Variants in DDX4 observed in about 807,000 individuals in gnomAD.
DDX4 encodes the protein probable ATP-dependent RNA helicase DDX4.
Under a neutral mutation model 100.0 loss-of-function variants are expected in DDX4, and 25 were observed. The observed-to-expected ratio is 0.25, with a 90% confidence interval of 0.18 to 0.35. DDX4 has a LOEUF of 0.35. DDX4 is among the 10% of genes least tolerant of loss of function. The probability of loss-of-function intolerance (pLI) is 1.00; values close to 1 mark genes in which losing one functional copy is unlikely to be tolerated. For missense variants in DDX4, 635 were observed against 882.4 expected (o/e 0.72, Z 3.55); for synonymous variants, 259 against 275.7 (o/e 0.94, Z 0.60).
intron 18 of DDX4, among the ~76,000 whole-genome samples, chr5:55,809,593 C>T (rs553561969): frequency 6.6e-6 from 1 of 152,152 alleles, no homozygotes; most frequent in Admixed American, 6.5e-5. Flanking sequence ...CCTCTCAGAC[C>T]TCTTTAGAGG....
At chr5:55,746,302 C>G in intron 3 of DDX4, 81 bp downstream of exon 3, 1 of 1,276,076 alleles carries the variant, frequency 7.8e-7, no homozygotes, top group Non-Finnish European at 1.1e-6. Context: ...GACTAGTAGA[C>G]ATCTTGTAGA....
At chr5:55,815,248 A>T in intron 20 of DDX4, 65 bp from the exon 21 acceptor site, 1 of 1,596,254 alleles carries the variant, frequency 6.3e-7, no homozygotes, top group Non-Finnish European at 8.5e-7. Flanking sequence ...GCATGTGTAT[A>T]TAACAAGTAA....
chr5:55,792,658 C>A lies in DDX4; in HGVS notation c.1320C>A (p.Ile440=), dbSNP rs201103498. ...CCTTAAAGATTGGTCTCAAACAGAT[C>A]AAATACTTAGTTTTGGATGAAGCTG... is the stretch of plus-strand genomic sequence containing the variant. The part of the protein sequence containing the change: ...IGKEKIGLKQ[I]KYLVLDEADR... The change falls in exon 17 of 22, where the codon ATC becomes ATA. Residue 440 remains isoleucine, a synonymous_variant. Coordinates refer to ENST00000505374, the MANE Select transcript of DDX4 (RefSeq NM_024415.3). 1.9e-6 allele frequency: 3 copies of A among 1,582,410 alleles called. No homozygotes were observed. The highest frequency in any genetic ancestry group is 2.6e-6 in the Non-Finnish European group (3 of 1,161,666).
chr5:55,789,824 A>G (rs1305924013), intron 15 of DDX4, among the ~76,000 whole-genome samples: 1 of 152,222 alleles, frequency 6.6e-6, no homozygotes, highest in Non-Finnish European at 1.5e-5. Flanking sequence ...GGGGGAAGGT[A>G]GAATCCATAT....
intron 18 of DDX4, among the ~76,000 whole-genome samples, chr5:55,809,161 G>A (rs537564298): frequency 1.3e-5 from 2 of 152,308 alleles, no homozygotes; most frequent in African/African-American, 4.8e-5. Context: ...TAAGACCATT[G>A]GAAAAGTGCA....
Position 55,785,880 on chromosome 5 carries a change from A to G in DDX4, c.864+9A>G, listed in dbSNP as rs757294842. The G allele has an allele frequency of 3.8e-6, 6 of 1,590,898 alleles. No individual in the cohort carries two copies. Among genetic ancestry groups the G allele is most frequent in the Non-Finnish European group, 5.2e-6 (6 of 1,160,196 alleles). On this transcript the variant is annotated intron_variant, in intron 13 of 21. Transcript: ENST00000505374. ...CACCACCAGCAATTCTGGTCAGTGT[A>G]TTAATTGTTTCTGTATTAGCTATGT...
rs767787854 is a variant in DDX4, at chr5:55,787,842, C to G, written c.1018-4C>G. On this transcript the variant is annotated splice_polypyrimidine_tract_variant and splice_region_variant and intron_variant, in intron 14 of 21. Coordinates refer to ENST00000505374, the MANE Select transcript of DDX4 (RefSeq NM_024415.3). ...GTTTGTAAACTAAGCAACTTAACTT[C>G]TAGGCGGCTTTTCTCCTACCAATTT... 26 of 1,610,780 alleles carry G rather than the reference C, an allele frequency of 1.6e-5. No individual in the cohort carries two copies. Among genetic ancestry groups the G allele is most frequent in the Non-Finnish European group, 2.1e-5 (25 of 1,178,938 alleles).
At chr5:55,774,517 T>C (rs4865987) in intron 7 of DDX4, among the ~76,000 whole-genome samples, 16,930 of 152,218 alleles carry the variant, frequency 0.11, 1,433 homozygotes, top group East Asian at 0.27. Context: ...TTTGAAACAC[T>C]AAAATTTAAC....
intron 3 of DDX4, among the ~76,000 whole-genome samples, chr5:55,757,810 G>A (rs1760030329): frequency 6.6e-6 from 1 of 152,174 alleles, no homozygotes; most frequent in Non-Finnish European, 1.5e-5. Flanking sequence ...ATGGGAGGCT[G>A]AGGTGGGTGG....
At chr5:55,740,148 A>G (rs547134818) in intron 2 of DDX4, among the ~76,000 whole-genome samples, 4 of 152,158 alleles carry the variant, frequency 2.6e-5, no homozygotes, top group Non-Finnish European at 5.9e-5. Context: ...TTTTTAGTCA[A>G]TTTTCTTCTG....
intron 18 of DDX4, among the ~76,000 whole-genome samples, chr5:55,801,016 G>GA (rs1743262754): frequency 6.6e-6 from 1 of 152,016 alleles, no homozygotes; most frequent in Non-Finnish European, 1.5e-5. Flanking sequence ...AGAGATCAAA[G>GA]AGTTTATTGA....
intron 14 of DDX4, among the ~76,000 whole-genome samples, chr5:55,787,178 GACT>G (rs1328354567): frequency 2.0e-5 from 3 of 152,160 alleles, no homozygotes; most frequent in African/African-American, 7.2e-5. Flanking sequence ...CATAAGATGA[GACT>G]CTTATTTCTA....
chr5:55,808,944 TGAGATGC>T (rs1221222713), intron 18 of DDX4, among the ~76,000 whole-genome samples: 2 of 152,242 alleles, frequency 1.3e-5, no homozygotes, highest in African/African-American at 4.8e-5. Context: ...CAGGCCTCCC[TGAGATGC>T]GGTGGGCTCC....
intron 18 of DDX4, among the ~76,000 whole-genome samples, chr5:55,810,517 A>G (rs1466121028): frequency 4.6e-5 from 7 of 152,170 alleles, no homozygotes; most frequent in African/African-American, 1.7e-4. Context: ...TTTGAGCATC[A>G]TGTCAGTACT....
At chr5:55,786,494 C>A in intron 13 of DDX4, 24 bp from the exon 14 acceptor site, 2 of 1,582,836 alleles carry the variant, frequency 1.3e-6, no homozygotes, top group Non-Finnish European at 1.7e-6. Flanking sequence ...AGAATGTAAT[C>A]ACTGCTTTTT....
At chr5:55,766,442 T>G (rs945095207) in intron 6 of DDX4, among the ~76,000 whole-genome samples, 6 of 151,722 alleles carry the variant, frequency 4.0e-5, no homozygotes, top group Non-Finnish European at 7.4e-5. Flanking sequence ...AGTTTTGTTT[T>G]TTTTTTTTTT....
In DDX4 at chr5:55,793,740, C is replaced by T. The variant is rs115134794; in HGVS notation, c.1469+933C>T. ...ATGGATATTTGATTTGAGGAATTAC[C>T]GTGTCATGTTGGATAATGCCCTGTC... On this transcript the variant is annotated intron_variant, in intron 17 of 21. Coordinates refer to ENST00000505374, the MANE Select transcript of DDX4 (RefSeq NM_024415.3). Among the ~76,000 whole-genome samples the T allele has an allele frequency of 2.5e-3, 379 of 152,260 alleles. 1 individual carries two copies. The highest frequency in any genetic ancestry group is 8.5e-3 in the African/African-American group (352 of 41,532).
chr5:55,755,635 C>T (rs1759878546), intron 3 of DDX4, among the ~76,000 whole-genome samples: 1 of 152,004 alleles, frequency 6.6e-6, no homozygotes, highest in Non-Finnish European at 1.5e-5. Context: ...TTCCAGTAAG[C>T]TCCGGAACAT....
intron 3 of DDX4, among the ~76,000 whole-genome samples, chr5:55,756,607 G>A (rs1759951845): frequency 6.6e-6 from 1 of 151,964 alleles, no homozygotes; most frequent in Non-Finnish European, 1.5e-5. Flanking sequence ...ATACATAATT[G>A]GGTTCTTTTG....
Sources: gnomAD v4.1 joint callset for allele counts (sites outside exome capture counted in the v4.1 genomes callset) on GRCh38, gnomAD v4.1.1 for gene constraint, MANE v1.5 for transcripts, NCBI Gene and HGNC (gene_info 2026-07-23, HGNC 2026-07-21) for gene names.